The following TSBP1 variants were observed in gnomAD, a reference collection of about 807,000 sequenced individuals.
TSBP1 encodes testis expressed basic protein 1.
A neutral mutation model predicts 68.8 loss-of-function variants in TSBP1; 56 were observed. The observed-to-expected ratio is 0.81, with a 90% CI of 0.66 to 1.02. The LOEUF (loss-of-function observed/expected upper bound fraction) is 1.02. Ranked by LOEUF, TSBP1 falls within the 50% of genes least tolerant of loss-of-function variation. TSBP1 has a pLI of 0.00. For synonymous variants in TSBP1, 171 were observed against 208.7 expected, an observed-to-expected ratio of 0.82 and a Z score of 1.56; for missense variants, 502 against 641.2, an observed-to-expected ratio of 0.78 and a Z score of 2.34.
intron 22 of TSBP1, among the ~76,000 whole-genome samples, chr6:32,294,492 A>G (rs1764496605): frequency 6.6e-6 from 1 of 152,258 alleles, no homozygotes; most frequent in Non-Finnish European, 1.5e-5. Context: ...GTACTAGCTG[A>G]TAATTATTAA....
chr6:32,370,970 T>G (rs780365216), intron 1 of TSBP1, among the ~76,000 whole-genome samples: 1 of 152,144 alleles, frequency 6.6e-6, no homozygotes, highest in Non-Finnish European at 1.5e-5. Context: ...TACACCCACA[T>G]TAAGACTACT....
rs1020914978 is a variant in TSBP1, at chr6:32,340,564, T to G, written c.350-926A>C. Among the ~76,000 whole-genome samples the G allele has an allele frequency of 6.6e-6, 1 of 152,226 alleles. No homozygotes were observed. The highest frequency in any genetic ancestry group is 2.4e-5 in the African/African-American group (1 of 41,454). ...TTTTTTAAGATTTAAGATATTAACC[T>G]ATGTTAGGAGTGACAAGTATACTTG... is the stretch of plus-strand genomic sequence containing the variant. On this transcript the variant is annotated intron_variant, in intron 9 of 22. Transcript: ENST00000612031. The surrounding 1 kb of genome is among the most constrained non-coding windows in gnomAD (Gnocchi z 4.8).
intron 18 of TSBP1, among the ~76,000 whole-genome samples, chr6:32,319,537 C>T (rs542715011): frequency 1.3e-3 from 201 of 152,216 alleles, no homozygotes; most frequent in Admixed American, 4.6e-3. Context: ...CTGCAGGGCC[C>T]GACATAATCT....
In TSBP1 at chr6:32,336,984, C is replaced by T. The variant is rs1769752442; in HGVS notation, c.410-349G>A. Among the ~76,000 whole-genome samples the T allele has an allele frequency of 6.6e-6, 1 of 151,984 alleles. No homozygotes were observed. Among genetic ancestry groups the T allele is most frequent in the African/African-American group, 2.4e-5 (1 of 41,344 alleles). On this transcript the variant is annotated intron_variant, in intron 11 of 22. Coordinates refer to ENST00000612031, the Ensembl canonical transcript of TSBP1. This position sits in a 1 kb window ranked among gnomAD's most constrained non-coding sequence, Gnocchi z 5.2. ...CAGAAGGTGTCAGAAGATTTGAATA[C>T]AATTAAGAAGTATGAGTGAGAAATC...
intron 8 of TSBP1, among the ~76,000 whole-genome samples, chr6:32,351,800 A>G (rs1771747388): frequency 6.6e-6 from 1 of 152,098 alleles, no homozygotes; most frequent in Non-Finnish European, 1.5e-5. Flanking sequence ...CCTGCTCAGG[A>G]TAACCTCACA....
At position 32,325,671 on chromosome 6, in the gene TSBP1, C is replaced by T. The variant is rs1768141490; in HGVS notation, c.515-2057G>A. On this transcript the variant is annotated intron_variant, in intron 16 of 22. Transcript: ENST00000612031. The surrounding 1 kb of genome is among the most constrained non-coding windows in gnomAD (Gnocchi z 4.4). ...AAGAAAAGGGGATTTGCCTTTGTAACCTTTGATGACCATGACTCCGTGGAT... is the reference window on the plus strand; with the variant it reads ...AAGAAAAGGGGATTTGCCTTTGTAATCTTTGATGACCATGACTCCGTGGAT... 9.4e-7 allele frequency: 1 copy of T among 1,065,352 alleles called. No individual in the cohort carries two copies. The highest frequency in any genetic ancestry group is 1.6e-5 in the African/African-American group (1 of 62,828). The allele number at this position is 1,065,352 out of a possible 1,614,324, so 66.0% of individuals were successfully genotyped here.
intron 19 of TSBP1, among the ~76,000 whole-genome samples, chr6:32,312,187 G>C (rs572523665): frequency 6.6e-6 from 1 of 152,228 alleles, no homozygotes; most frequent in African/African-American, 2.4e-5. Flanking sequence ...AAGACATTTG[G>C]GTGTCTGCTC....
intron 4 of TSBP1, among the ~76,000 whole-genome samples, chr6:32,366,903 C>T (rs1170867104): frequency 6.6e-6 from 1 of 151,940 alleles, no homozygotes; most frequent in Non-Finnish European, 1.5e-5. Flanking sequence ...CTGTGCTCTT[C>T]ACTCTTGTTG....
At chr6:32,371,483 A>T (rs1391035144) in intron 1 of TSBP1, among the ~76,000 whole-genome samples, 1 of 152,240 alleles carries the variant, frequency 6.6e-6, no homozygotes, top group African/African-American at 2.4e-5. Context: ...CCAAAGGAGA[A>T]ACCAGCACTA....
At chr6:32,349,668 G>C in intron 9 of TSBP1, 72 bp downstream of exon 9, 1 of 917,808 alleles carries the variant, frequency 1.1e-6, no homozygotes. Flanking sequence ...AGTCTGGGAA[G>C]TTTAGGAAGA....
chr6:32,329,267 T>A (rs539415310), intron 16 of TSBP1, among the ~76,000 whole-genome samples: 1 of 152,178 alleles, frequency 6.6e-6, no homozygotes, highest in African/African-American at 2.4e-5. Flanking sequence ...GGAATTCATG[T>A]ATCCATGTAG....
intron 22 of TSBP1, among the ~76,000 whole-genome samples, chr6:32,294,801 C>T (rs958242449): frequency 9.2e-5 from 14 of 152,128 alleles, no homozygotes; most frequent in Non-Finnish European, 1.3e-4. Flanking sequence ...GGTAAATCAG[C>T]TGTTACGTCT....
Position 32,305,204 on chromosome 6 carries a change from G to A in TSBP1, c.581-2575C>T, listed in dbSNP as rs1176168446. The stretch of plus-strand genomic sequence containing the variant: ...TAGGATTAAAACAAGTTTATTGGGG[G>A]GTCTGAAGAAACTCCCCAGGCCTTC... On this transcript the variant is annotated intron_variant, in intron 19 of 22. Transcript: ENST00000612031. 3.9e-5 allele frequency among the ~76,000 whole-genome samples: 6 copies of A among 152,050 alleles called. No homozygotes were observed. The East Asian group carries it at 1.2e-3, about 29-fold the overall frequency.
intron 19 of TSBP1, among the ~76,000 whole-genome samples, chr6:32,309,103 C>A (rs1179684615): frequency 6.6e-6 from 1 of 151,678 alleles, no homozygotes; most frequent in East Asian, 1.9e-4. Flanking sequence ...GCATGCACCA[C>A]CACACTCACC....
chr6:32,334,744 G>T (rs1013847460), intron 14 of TSBP1, among the ~76,000 whole-genome samples: 4 of 152,148 alleles, frequency 2.6e-5, no homozygotes, highest in Non-Finnish European at 5.9e-5. Context: ...AATTAGAAAG[G>T]AAAGGAAGGC....
At chr6:32,294,279 A>G (rs1253887296) in intron 22 of TSBP1, 15 of 579,632 alleles carry the variant, frequency 2.6e-5, no homozygotes, top group Non-Finnish European at 4.2e-5. Flanking sequence ...ACTGTAAATG[A>G]ACTGACATTT....
At chr6:32,324,928 A>T (rs1297365100) in intron 16 of TSBP1, among the ~76,000 whole-genome samples, 2 of 152,174 alleles carry the variant, frequency 1.3e-5, no homozygotes, top group Non-Finnish European at 2.9e-5. Context: ...ACATCAGTGG[A>T]CTTTGATAAG....
In TSBP1 at chr6:32,293,811, T is replaced by G. The variant is rs1348480542; in HGVS notation, c.862A>C (p.Ile288Leu). 9 of 1,612,956 alleles carry G rather than the reference T, an allele frequency of 5.6e-6. No individual in the cohort carries two copies. The South Asian group carries it at 8.8e-5, about 16-fold the overall frequency. ...CTGTCTACCTTGACCTCCATTCCTA[T>G]TTTGTCTTTCTCTAAATCAGTGCCT... The change falls in exon 23 of 23, where the codon ATA becomes CTA. Residue 288 changes from isoleucine to leucine, a missense_variant. Transcript: ENST00000612031.
chr6:32,308,349 A>G (rs901196406), intron 19 of TSBP1, among the ~76,000 whole-genome samples: 1 of 151,758 alleles, frequency 6.6e-6, no homozygotes, highest in African/African-American at 2.4e-5. Flanking sequence ...CTGTAATCCC[A>G]GCACTTTGGG....
Sources: gnomAD v4.1 joint callset for allele counts (sites outside exome capture counted in the v4.1 genomes callset) on GRCh38, gnomAD v4.1.1 for gene constraint, Gnocchi (gnomAD v3.1) non-coding constraint, MANE v1.5 for transcripts, NCBI Gene and HGNC (gene_info 2026-07-23, HGNC 2026-07-21) for gene names.